The following RPH3AL variants were observed in gnomAD, a reference collection of about 807,000 sequenced individuals.
RPH3AL encodes the protein rab effector Noc2.
RPH3AL carries 38 observed loss-of-function variants against 43.1 expected under a neutral mutation model. That is an observed-to-expected ratio of 0.88 (90% CI 0.68 to 1.15). RPH3AL has a LOEUF of 1.15. RPH3AL is among the 50% of genes most tolerant of loss of function. The pLI, the probability that RPH3AL is intolerant of heterozygous loss-of-function variation, is 0.00. For missense variants in RPH3AL, 462 were observed against 423.2 expected, an observed-to-expected ratio of 1.09 and a Z score of -0.81; for synonymous variants, 189 against 176.3, an observed-to-expected ratio of 1.07 and a Z score of -0.57.
intron 5 of RPH3AL, among the ~76,000 whole-genome samples, chr17:298,939 G>A (rs980881151): frequency 6.6e-6 from 1 of 152,038 alleles, no homozygotes; most frequent in African/African-American, 2.4e-5. Flanking sequence ...AATCCCAGCT[G>A]GGGATTTCAC....
chr17:231,874 G>T (rs1233523668), intron 7 of RPH3AL, among the ~76,000 whole-genome samples: 5 of 152,268 alleles, frequency 3.3e-5, no homozygotes, highest in Non-Finnish European at 7.3e-5. Context: ...GGCTGATGAG[G>T]GCCTTCTGCT....
intron 2 of RPH3AL, chr17:331,625 T>C (rs1057348989): frequency 1.6e-6 from 2 of 1,287,538 alleles, no homozygotes; most frequent in African/African-American, 3.0e-5. Context: ...CCAGTTTCGA[T>C]TCTCCAAACC....
At chr17:286,568 C>T (rs543927457) in intron 5 of RPH3AL, among the ~76,000 whole-genome samples, 1 of 152,344 alleles carries the variant, frequency 6.6e-6, no homozygotes, top group East Asian at 1.9e-4. Context: ...CCAATGGGCT[C>T]GGTCTTTGTT....
intron 8 of RPH3AL, among the ~76,000 whole-genome samples, chr17:216,217 A>C: frequency 7.0e-6 from 1 of 142,194 alleles, no homozygotes; most frequent in Non-Finnish European, 1.5e-5. Context: ...CCCCACCCAC[A>C]TGGCTGCCGG....
chr17:315,361 C>G (rs1555518505), intron 5 of RPH3AL, among the ~76,000 whole-genome samples: 1 of 111,548 alleles, frequency 9.0e-6, no homozygotes, highest in East Asian at 3.0e-4. Context: ...TCCACTTCCA[C>G]TGACCTGTAG....
intron 5 of RPH3AL, among the ~76,000 whole-genome samples, chr17:310,510 C>G (rs935788779): frequency 1.3e-5 from 2 of 152,128 alleles, no homozygotes; most frequent in African/African-American, 2.4e-5. Flanking sequence ...CCACACACCT[C>G]CCAGGGCCCC....
intron 7 of RPH3AL, among the ~76,000 whole-genome samples, chr17:228,498 C>G (rs2041155479): frequency 6.6e-6 from 1 of 152,152 alleles, no homozygotes; most frequent in African/African-American, 2.4e-5. Flanking sequence ...ATTTCAGAGG[C>G]AGCTGGAACT....
At position 215,201 on chromosome 17, in the gene RPH3AL, C is replaced by G. The variant is rs1219227147; in HGVS notation, c.876+453G>C. On this transcript the variant is annotated intron_variant, in intron 9 of 9. Coordinates refer to ENST00000331302, the MANE Select transcript of RPH3AL (RefSeq NM_006987.4). This position sits in a 1 kb window ranked among gnomAD's most constrained non-coding sequence, Gnocchi z 4.1. The stretch of plus-strand genomic sequence containing the variant: ...CTCTGGCTTCAGTTTAAGGAGAACC[C>G]TCACCCCCGCCACAGGATGATCCTG... Among the ~76,000 whole-genome samples the G allele has an allele frequency of 6.6e-6, 1 of 152,142 alleles. No individual in the cohort carries two copies. The highest frequency in any genetic ancestry group is 2.4e-5 in the African/African-American group (1 of 41,430).
At chr17:273,405 G>A (rs371759052) in intron 6 of RPH3AL, among the ~76,000 whole-genome samples, 1 of 55,450 alleles carries the variant, frequency 1.8e-5, no homozygotes, top group African/African-American at 5.3e-5. Context: ...CAGCGAGGGT[G>A]ACGTCAGGGT....
chr17:221,704 A>T (rs369701932), intron 7 of RPH3AL, among the ~76,000 whole-genome samples: 2 of 130,684 alleles, frequency 1.5e-5, no homozygotes, highest in East Asian at 2.2e-4. Flanking sequence ...GAGACAATAG[A>T]CCCAAGCACA....
chr17:279,594 A>G (rs9789038), intron 6 of RPH3AL, among the ~76,000 whole-genome samples: 50,691 of 151,690 alleles, frequency 0.33, 9,094 homozygotes, highest in East Asian at 0.71. Flanking sequence ...GGATGGGGAA[A>G]CCCTCAACTA....
At chr17:233,725 G>T (rs1453186387) in intron 7 of RPH3AL, among the ~76,000 whole-genome samples, 1 of 152,226 alleles carries the variant, frequency 6.6e-6, no homozygotes, top group Non-Finnish European at 1.5e-5. Flanking sequence ...AACAAGAACG[G>T]TTTCACTTTC....
intron 5 of RPH3AL, among the ~76,000 whole-genome samples, chr17:286,813 C>T (rs985866693): frequency 5.5e-4 from 84 of 152,178 alleles, no homozygotes; most frequent in Admixed American, 3.7e-3. Context: ...GCCTCATGCA[C>T]CCTGCAGCCT....
rs146919876 is a variant in RPH3AL at position 322,897 on chromosome 17, T to C, written c.78-1482A>G. On this transcript the variant is annotated intron_variant, in intron 3 of 9. Coordinates refer to ENST00000331302, the MANE Select transcript of RPH3AL (RefSeq NM_006987.4). This position sits in a 1 kb window ranked among gnomAD's most constrained non-coding sequence, Gnocchi z 4.0. ...GGGTTTGGAGTCCACTGGACAGTCT[T>C]ATCTTCTGGTCCCGTCCCTTCCCAG... Among the ~76,000 whole-genome samples, 219 of 152,242 alleles carry C rather than the reference T, an allele frequency of 1.4e-3. No homozygotes were observed. Among genetic ancestry groups the C allele is most frequent in the African/African-American group, 5.1e-3 (212 of 41,546 alleles).
chr17:283,631 G>A lies in RPH3AL; in HGVS notation c.352-1777C>T, dbSNP rs1397779909. Among the ~76,000 whole-genome samples the A allele has an allele frequency of 6.6e-6, 1 of 152,026 alleles. No homozygotes were observed. The highest frequency in any genetic ancestry group is 1.9e-4 in the East Asian group (1 of 5,164). On this transcript the variant is annotated intron_variant, in intron 5 of 9. Coordinates refer to ENST00000331302, the MANE Select transcript of RPH3AL (RefSeq NM_006987.4). This position sits in a 1 kb window ranked among gnomAD's most constrained non-coding sequence, Gnocchi z 4.2. ...GCGCCGTCCACACTCCTCACTGCTG[G>A]CCTTCTTGCTTCCCAAGCTCTCATG...
chr17:253,625 T>C (rs1360013991), intron 6 of RPH3AL, among the ~76,000 whole-genome samples: 1 of 152,066 alleles, frequency 6.6e-6, no homozygotes, highest in South Asian at 2.1e-4. Context: ...GCAATAGCTC[T>C]CCTCTGCCCT....
chr17:265,231 C>A (rs78964227), intron 6 of RPH3AL, among the ~76,000 whole-genome samples: 4 of 151,986 alleles, frequency 2.6e-5, no homozygotes, highest in Non-Finnish European at 5.9e-5. Flanking sequence ...GGACTGCAGG[C>A]GCATGCCACC....
At chr17:219,811 G>A (rs1470736892) in intron 7 of RPH3AL, 75 bp from the exon 8 acceptor site, 2 of 1,098,360 alleles carry the variant, frequency 1.8e-6, no homozygotes, top group Non-Finnish European at 2.8e-6. Flanking sequence ...AGGGACGAGG[G>A]CAGGCCTCCC....
At chr17:272,958 ACGTCAGGGTGAGACCCCAGCAAG>A (rs2042520298) in intron 6 of RPH3AL, among the ~76,000 whole-genome samples, 1 of 41,428 alleles carries the variant, frequency 2.4e-5, no homozygotes, top group Admixed American at 3.0e-4. Context: ...AGCAAGGGCT[ACGTCAGGGTGAGACCCCAGCAAG>A]GGCTACGTCA....
Sources: allele counts gnomAD v4.1 joint callset (sites outside exome capture counted in the v4.1 genomes callset), GRCh38; gene constraint gnomAD v4.1.1; non-coding constraint Gnocchi (gnomAD v3.1); transcripts MANE v1.5; gene names NCBI Gene and HGNC (gene_info 2026-07-23, HGNC 2026-07-21).